The following FEZ2 variants were observed in gnomAD, a reference collection of about 807,000 sequenced individuals.
FEZ2 encodes the protein fasciculation and elongation protein zeta-2.
Under a neutral mutation model 40.4 loss-of-function variants are expected in FEZ2, and 51 were observed. The observed-to-expected ratio is 1.26, with a 90% CI of 1.01 to 1.59. The LOEUF is 1.59. Ranked by LOEUF, FEZ2 falls within the 40% of genes most tolerant of loss-of-function variation. The probability of loss-of-function intolerance (pLI) is 0.00; values close to 1 mark genes in which losing one functional copy is unlikely to be tolerated. For missense variants in FEZ2, 640 were observed against 438.3 expected (o/e 1.46, Z -4.11); for synonymous variants, 242 against 172.0 (o/e 1.41, Z -3.18).
chr2:36,561,787 G>A (rs751256410), intron 5 of FEZ2, among the ~76,000 whole-genome samples: 1 of 152,156 alleles, frequency 6.6e-6, no homozygotes, highest in Non-Finnish European at 1.5e-5. Context: ...TTTTATAGAG[G>A]AAATTTAAAT....
Position 36,552,477 on chromosome 2 carries a change from T to A in FEZ2, c.*686A>T. On this transcript the variant is annotated 3_prime_UTR_variant, in exon 8 of 8. Transcript: ENST00000405912. ...GGACACACACTTAAAGTACAATTCTTCACAGACACATGAAGCAGAACATTT... is the reference window on the plus strand; with the variant it reads ...GGACACACACTTAAAGTACAATTCTACACAGACACATGAAGCAGAACATTT... 1 of 266,090 alleles carries A rather than the reference T, an allele frequency of 3.8e-6. No individual in the cohort carries two copies. Among genetic ancestry groups the A allele is most frequent in the Non-Finnish European group, 7.4e-6 (1 of 134,554 alleles). 16.5% of individuals were successfully genotyped at this position (266,090 alleles called of 1,614,324 possible). A position where few individuals can be genotyped will look rare whatever the true frequency, so the allele number is the denominator to read the frequency against.
Position 36,583,413 on chromosome 2 carries a change from C to T in FEZ2, c.432G>A (p.Leu144=). 1.2e-6 allele frequency: 2 copies of T among 1,610,676 alleles called. No individual in the cohort carries two copies. The highest frequency in any genetic ancestry group is 4.5e-5 in the East Asian group (2 of 44,850). ...TSDDEELREQ[L]DMHSIIVSCV... ...AGGAGACGATGATTGAGTGCATATC[C>T]AGCTGTTCTCTCAGCTCTTCATCAT... Residue 144 remains leucine (L), a synonymous_variant, in exon 3 of 8, where the codon CTG becomes CTA. Coordinates refer to ENST00000405912, the MANE Select transcript of FEZ2 (RefSeq NM_005102.3).
At chr2:36,585,002 T>C (rs1227696516) in intron 2 of FEZ2, among the ~76,000 whole-genome samples, 2 of 152,110 alleles carry the variant, frequency 1.3e-5, no homozygotes, top group African/African-American at 4.8e-5. Flanking sequence ...TATTTCTTAC[T>C]GCACCATCAG....
At chr2:36,583,865 C>T (rs573009512) in intron 2 of FEZ2, among the ~76,000 whole-genome samples, 88 of 152,330 alleles carry the variant, frequency 5.8e-4, no homozygotes, top group Non-Finnish European at 9.1e-4. Context: ...TGCAAACTAA[C>T]TTCTAATATC....
At chr2:36,576,344 G>A (rs1044038765) in intron 5 of FEZ2, among the ~76,000 whole-genome samples, 2 of 151,540 alleles carry the variant, frequency 1.3e-5, no homozygotes, top group African/African-American at 2.4e-5. Flanking sequence ...ATCTTGGCTC[G>A]CTGCAACCTC....
intron 1 of FEZ2, among the ~76,000 whole-genome samples, chr2:36,594,164 C>T (rs1275310013): frequency 6.6e-6 from 1 of 152,004 alleles, no homozygotes; most frequent in Admixed American, 6.6e-5. Context: ...TTGCTGTCAG[C>T]ATTTTGGGAA....
chr2:36,574,785 TAAAC>T (rs1486430038), intron 5 of FEZ2, among the ~76,000 whole-genome samples: 2 of 152,294 alleles, frequency 1.3e-5, no homozygotes, highest in African/African-American at 4.8e-5. Flanking sequence ...ACCATAGTGA[TAAAC>T]AGACAGTGCC....
intron 5 of FEZ2, among the ~76,000 whole-genome samples, chr2:36,572,950 G>A (rs895561405): frequency 2.6e-5 from 4 of 152,016 alleles, no homozygotes; most frequent in Admixed American, 6.5e-5. Flanking sequence ...CCTAACCCCC[G>A]AAAAGCAATA....
At chr2:36,593,148 A>C (rs546595547) in intron 1 of FEZ2, among the ~76,000 whole-genome samples, 2 of 152,340 alleles carry the variant, frequency 1.3e-5, no homozygotes, top group South Asian at 4.1e-4. Context: ...GGGACGAAAA[A>C]GAGGTTTAAT....
chr2:36,558,696 T>G, intron 5 of FEZ2, 183 bp from the exon 6 acceptor site: 1 of 394,708 alleles, frequency 2.5e-6, no homozygotes, highest in Non-Finnish European at 4.5e-6. Context: ...CATTTTTTTT[T>G]GCCCACCTCT....
chr2:36,582,158 T>C (rs1278695787), intron 3 of FEZ2, among the ~76,000 whole-genome samples: 1 of 151,482 alleles, frequency 6.6e-6, no homozygotes, highest in African/African-American at 2.4e-5. Flanking sequence ...GAGAAGGATA[T>C]AGAACTCAGC....
At chr2:36,562,502 C>T (rs1430645305) in intron 5 of FEZ2, among the ~76,000 whole-genome samples, 1 of 152,160 alleles carries the variant, frequency 6.6e-6, no homozygotes, top group Non-Finnish European at 1.5e-5. Context: ...CCTCCTAAAC[C>T]ATCCAACTTC....
chr2:36,570,539 C>CT (rs1217566246), intron 5 of FEZ2, among the ~76,000 whole-genome samples: 1 of 152,192 alleles, frequency 6.6e-6, no homozygotes, highest in South Asian at 2.1e-4. Flanking sequence ...CATAAATACT[C>CT]TAAGTACAGT....
chr2:36,582,028 T>A (rs1275424358), intron 3 of FEZ2, among the ~76,000 whole-genome samples: 1 of 151,792 alleles, frequency 6.6e-6, no homozygotes, highest in Admixed American at 6.6e-5. Flanking sequence ...AAGAGAAAAA[T>A]GCTGTGAAAA....
Position 36,574,062 on chromosome 2 carries a change from T to C in FEZ2, c.903+4535A>G, listed in dbSNP as rs182650958. 3.0e-4 allele frequency among the ~76,000 whole-genome samples: 45 copies of C among 152,378 alleles called. No homozygotes were observed. The East Asian group carries it at 3.1e-3, about 10-fold the overall frequency. ...TAGGAAAATGGTAACTTTGGTTTAA[T>C]AGTATAAATTTCAGACTCCTACAAG... On this transcript the variant is annotated intron_variant, in intron 5 of 7. Coordinates refer to ENST00000405912, the MANE Select transcript of FEZ2 (RefSeq NM_005102.3).
chr2:36,587,672 A>T (rs1418954427), intron 2 of FEZ2, among the ~76,000 whole-genome samples: 1 of 152,098 alleles, frequency 6.6e-6, no homozygotes, highest in Non-Finnish European at 1.5e-5. Flanking sequence ...AAAAATTTCT[A>T]TACACTTGGT....
intron 6 of FEZ2, chr2:36,556,956 G>C (rs1217856995): frequency 6.6e-6 from 1 of 152,140 alleles, no homozygotes. Flanking sequence ...TCCAAACTGT[G>C]ACAACCTATA....
At chr2:36,574,226 G>T (rs931323330) in intron 5 of FEZ2, among the ~76,000 whole-genome samples, 2 of 152,080 alleles carry the variant, frequency 1.3e-5, no homozygotes, top group Non-Finnish European at 2.9e-5. Context: ...CTGTATGTAG[G>T]ACGAAGATTC....
intron 1 of FEZ2, among the ~76,000 whole-genome samples, chr2:36,593,232 G>A (rs896225997): frequency 7.2e-5 from 11 of 152,120 alleles, no homozygotes; most frequent in African/African-American, 2.7e-4. Flanking sequence ...CTTACATGGT[G>A]GCAGCAAGAG....
Sources: gnomAD v4.1 joint callset for allele counts (sites outside exome capture counted in the v4.1 genomes callset) on GRCh38, gnomAD v4.1.1 for gene constraint, MANE v1.5 for transcripts, NCBI Gene and HGNC (gene_info 2026-07-23, HGNC 2026-07-21) for gene names.